FAM117A: variants seen among roughly 807,000 people sequenced by gnomAD.
The protein encoded by FAM117A is protein FAM117A.
In FAM117A, 21 loss-of-function variants were observed where a neutral mutation model predicts 44.1. The observed-to-expected ratio is 0.48, with a 90% CI of 0.34 to 0.69. The LOEUF is 0.69. Ranked by LOEUF, FAM117A falls within the 30% of genes least tolerant of loss-of-function variation. FAM117A has a pLI of 0.01. For synonymous variants in FAM117A, 220 were observed against 238.3 expected (o/e 0.92, Z 0.71); for missense variants, 498 against 589.9 (o/e 0.84, Z 1.61).
At chr17:49,728,511 G>A (rs1480003187) in intron 2 of FAM117A, among the ~76,000 whole-genome samples, 1 of 151,966 alleles carries the variant, frequency 6.6e-6, no homozygotes, top group Non-Finnish European at 1.5e-5. Context: ...GAATGGGGCT[G>A]GGGATGAGTA....
intron 1 of FAM117A, among the ~76,000 whole-genome samples, chr17:49,745,976 T>C (rs951394340): frequency 1.4e-4 from 22 of 152,232 alleles, no homozygotes; most frequent in African/African-American, 5.3e-4. Flanking sequence ...ACCAACCTCA[T>C]AGATGATGTC....
At chr17:49,730,639 A>G (rs1204667677) in intron 2 of FAM117A, among the ~76,000 whole-genome samples, 1 of 152,226 alleles carries the variant, frequency 6.6e-6, no homozygotes, top group East Asian at 1.9e-4. Flanking sequence ...CCTTGACTAC[A>G]AACATATTTG....
intron 2 of FAM117A, among the ~76,000 whole-genome samples, chr17:49,726,447 G>C (rs2073560067): frequency 6.6e-6 from 1 of 152,164 alleles, no homozygotes; most frequent in South Asian, 2.1e-4. Context: ...CCTGACCTAA[G>C]GTGATCTGCC....
At chr17:49,743,821 T>G (rs184407414) in intron 1 of FAM117A, among the ~76,000 whole-genome samples, 109 of 152,070 alleles carry the variant, frequency 7.2e-4, no homozygotes, top group African/African-American at 2.5e-3. Context: ...TCCCAGCTAC[T>G]TGGGAGGCTG....
intron 1 of FAM117A, among the ~76,000 whole-genome samples, chr17:49,742,171 T>C (rs563640059): frequency 6.6e-5 from 10 of 152,296 alleles, no homozygotes; most frequent in East Asian, 3.9e-4. Flanking sequence ...CATGAAAAAC[T>C]TCTCAGCCAG....
chr17:49,774,241 G>T (rs1379373359), intron 1 of FAM117A, among the ~76,000 whole-genome samples: 1 of 152,040 alleles, frequency 6.6e-6, no homozygotes, highest in Admixed American at 6.6e-5. Flanking sequence ...GACTTCCCAG[G>T]CTCAAGCAAT....
chr17:49,776,451 A>G (rs2073775806), intron 1 of FAM117A, among the ~76,000 whole-genome samples: 1 of 152,186 alleles, frequency 6.6e-6, no homozygotes, highest in South Asian at 2.1e-4. Flanking sequence ...GTCACCTTCC[A>G]CAGCCCTAAA....
chr17:49,725,341 T>A (rs2073554973), intron 2 of FAM117A, among the ~76,000 whole-genome samples: 1 of 152,238 alleles, frequency 6.6e-6, no homozygotes, highest in African/African-American at 2.4e-5. Flanking sequence ...TGCCCGGTAC[T>A]GTTTCAGGCA....
chr17:49,751,668 G>A (rs772380752), intron 1 of FAM117A, among the ~76,000 whole-genome samples: 4 of 152,062 alleles, frequency 2.6e-5, no homozygotes, highest in Non-Finnish European at 5.9e-5. Context: ...TCTGGGCCAC[G>A]CACAGTGGCT....
At chr17:49,780,784 G>C (rs1246696871) in intron 1 of FAM117A, among the ~76,000 whole-genome samples, 1 of 152,164 alleles carries the variant, frequency 6.6e-6, no homozygotes, top group Non-Finnish European at 1.5e-5. Context: ...GGATGCCAGG[G>C]GGAAAGGGTG....
intron 1 of FAM117A, among the ~76,000 whole-genome samples, chr17:49,783,352 G>A (rs899540865): frequency 1.3e-5 from 2 of 152,324 alleles, no homozygotes; most frequent in East Asian, 3.9e-4. Context: ...GAGGAAGGGG[G>A]GGAGATGAAG....
chr17:49,762,567 C>G (rs764486965), intron 1 of FAM117A, among the ~76,000 whole-genome samples: 18 of 152,128 alleles, frequency 1.2e-4, no homozygotes, highest in Non-Finnish European at 1.9e-4. Context: ...AAGGAGTAGC[C>G]CTGTAGTAGC....
At chr17:49,712,548 G>T (rs2073483685) in intron 7 of FAM117A, among the ~76,000 whole-genome samples, 1 of 152,098 alleles carries the variant, frequency 6.6e-6, no homozygotes, top group Non-Finnish European at 1.5e-5. Context: ...TCACTCTGTG[G>T]CCCAGGCTGG....
At chr17:49,782,739 A>T (rs1216988525) in intron 1 of FAM117A, among the ~76,000 whole-genome samples, 2 of 150,610 alleles carry the variant, frequency 1.3e-5, no homozygotes, top group African/African-American at 4.9e-5. Context: ...GAGATTAAGG[A>T]TGTCTTTTAT....
At chr17:49,762,994 C>G (rs2073728029) in intron 1 of FAM117A, among the ~76,000 whole-genome samples, 1 of 152,176 alleles carries the variant, frequency 6.6e-6, no homozygotes, top group Admixed American at 6.5e-5. Context: ...CCACCATGCA[C>G]TTGACTGTAG....
At chr17:49,769,734 T>A (rs999698056) in intron 1 of FAM117A, among the ~76,000 whole-genome samples, 1 of 150,638 alleles carries the variant, frequency 6.6e-6, no homozygotes, top group African/African-American at 2.4e-5. Flanking sequence ...AAATAAATAA[T>A]AAATAAAACT....
intron 1 of FAM117A, among the ~76,000 whole-genome samples, chr17:49,788,035 G>C (rs1271308784): frequency 1.3e-5 from 2 of 152,178 alleles, no homozygotes; most frequent in Non-Finnish European, 2.9e-5. Flanking sequence ...TCGCCACAGA[G>C]CTAAATTGGG....
At position 49,711,607 on chromosome 17, in the gene FAM117A, C is replaced by CA. The variant is rs755145634; in HGVS notation, c.1062-53dup. On this transcript the variant is annotated intron_variant, in intron 7 of 7. Coordinates refer to ENST00000240364, the MANE Select transcript of FAM117A (RefSeq NM_030802.4). Reference sequence around the variant, plus strand: ...ACACATACGTACACACAGAGAGAAACAGACAGCGAGAGAGGGTGAGATGTC... The same window carrying CA: ...ACACATACGTACACACAGAGAGAAACAAGACAGCGAGAGAGGGTGAGATGTC... 67 of 1,556,118 alleles carry CA rather than the reference C, an allele frequency of 4.3e-5. 1 individual carries two copies. The South Asian group carries it at 5.8e-4, about 14-fold the overall frequency.
rs752074475 is a variant in FAM117A, at chr17:49,711,232, A to G, written c.*23T>C. ...CCACCAAGGCACTGGTCTCTATGGT[A>G]AAGTGGGGCAGGGGTGGGACCCTCA... is the stretch of plus-strand genomic sequence containing the variant. On this transcript the variant is annotated 3_prime_UTR_variant, in exon 8 of 8. Transcript: ENST00000240364. 16 of 1,567,794 alleles carry G rather than the reference A, an allele frequency of 1.0e-5. No individual in the cohort carries two copies. Among genetic ancestry groups the G allele is most frequent in the Middle Eastern group, 2.3e-4 (1 of 4,362 alleles).
Sources: allele counts gnomAD v4.1 joint callset (sites outside exome capture counted in the v4.1 genomes callset), GRCh38; gene constraint gnomAD v4.1.1; transcripts MANE v1.5; gene names NCBI Gene and HGNC (gene_info 2026-07-23, HGNC 2026-07-21).